HCN1: variants seen among roughly 807,000 people sequenced by gnomAD.
HCN1 encodes the protein hyperpolarization activated cyclic nucleotide gated potassium channel 1.
In HCN1, 13 loss-of-function variants were observed where a neutral mutation model predicts 78.9. That is an observed-to-expected ratio of 0.16 (90% confidence interval 0.11 to 0.26). The LOEUF is 0.26. Among genes scored for constraint, HCN1 ranks in the 10% least tolerant of loss-of-function variants. The pLI, the probability that HCN1 is intolerant of heterozygous loss-of-function variation, is 1.00. For synonymous variants in HCN1, 552 were observed against 455.5 expected, an observed-to-expected ratio of 1.21 and a Z score of -2.70; for missense variants, 810 against 1,154.3, an observed-to-expected ratio of 0.70 and a Z score of 4.32.
chr5:45,454,992 AT>A (rs1740994893), intron 3 of HCN1, among the ~76,000 whole-genome samples: 1 of 152,024 alleles, frequency 6.6e-6, no homozygotes, highest in Non-Finnish European at 1.5e-5. Flanking sequence ...TCCCCACTCT[AT>A]TGAAGGTTCC....
At chr5:45,624,048 G>T (rs1745118562) in intron 2 of HCN1, among the ~76,000 whole-genome samples, 1 of 152,176 alleles carries the variant, frequency 6.6e-6, no homozygotes. Context: ...GGGAGATAGT[G>T]TGGCTAGAGG....
At chr5:45,652,127 A>T (rs180879869) in intron 1 of HCN1, among the ~76,000 whole-genome samples, 1 of 151,978 alleles carries the variant, frequency 6.6e-6, no homozygotes, top group Non-Finnish European at 1.5e-5. Context: ...TTTAAAACCT[A>T]TGAAAGTATT....
chr5:45,614,746 T>C (rs1744908582), intron 2 of HCN1, among the ~76,000 whole-genome samples: 1 of 152,004 alleles, frequency 6.6e-6, no homozygotes, highest in Admixed American at 6.6e-5. Context: ...AGCAGCAAAA[T>C]TTGATACATA....
chr5:45,372,219 ATATATATAATATATATTATATTT>A (rs1203975026), intron 4 of HCN1, among the ~76,000 whole-genome samples: 4 of 71,020 alleles, frequency 5.6e-5, no homozygotes, highest in Non-Finnish European at 6.8e-5. Context: ...ATATAATATA[ATATATATAATATATATTATATTT>A]TATATATAAT....
chr5:45,511,712 T>C (rs756848957), intron 2 of HCN1, among the ~76,000 whole-genome samples: 1 of 151,938 alleles, frequency 6.6e-6, no homozygotes, highest in Non-Finnish European at 1.5e-5. Flanking sequence ...TAAGGAGACA[T>C]GAGGACTTAA....
intron 3 of HCN1, among the ~76,000 whole-genome samples, chr5:45,442,399 G>T (rs1342677403): frequency 6.6e-6 from 1 of 152,034 alleles, no homozygotes; most frequent in Non-Finnish European, 1.5e-5. Flanking sequence ...ATTAATTTCA[G>T]GAGGTGGAAA....
At chr5:45,597,965 A>ACAT (rs956730131) in intron 2 of HCN1, among the ~76,000 whole-genome samples, 2 of 152,218 alleles carry the variant, frequency 1.3e-5, no homozygotes, top group African/African-American at 4.8e-5. Flanking sequence ...GGCAGAATCA[A>ACAT]CATCGTGAAA....
At chr5:45,308,270 A>C (rs1745777353) in intron 5 of HCN1, among the ~76,000 whole-genome samples, 1 of 152,108 alleles carries the variant, frequency 6.6e-6, no homozygotes, top group South Asian at 2.1e-4. Flanking sequence ...CAGGCTGCTG[A>C]ATCGTGAGAC....
intron 2 of HCN1, among the ~76,000 whole-genome samples, chr5:45,544,069 A>G (rs1182965793): frequency 1.3e-5 from 2 of 152,070 alleles, no homozygotes; most frequent in African/African-American, 4.8e-5. Context: ...GAAATTGTTT[A>G]AAACAAAGGG....
chr5:45,625,445 A>G (rs557130435), intron 2 of HCN1, among the ~76,000 whole-genome samples: 2 of 152,268 alleles, frequency 1.3e-5, no homozygotes, highest in South Asian at 2.1e-4. Flanking sequence ...CTCATTGTCC[A>G]TATCTTCCTG....
At chr5:45,655,194 A>C (rs1745742509) in intron 1 of HCN1, among the ~76,000 whole-genome samples, 1 of 152,130 alleles carries the variant, frequency 6.6e-6, no homozygotes, top group South Asian at 2.1e-4. Context: ...GTCTTACTGA[A>C]TATTAAGGAG....
intron 1 of HCN1, among the ~76,000 whole-genome samples, chr5:45,664,330 A>G (rs1185986917): frequency 7.1e-6 from 1 of 141,618 alleles, no homozygotes; most frequent in Non-Finnish European, 1.5e-5. Flanking sequence ...AGGGGGAGGG[A>G]TAGCATTGGG....
intron 2 of HCN1, among the ~76,000 whole-genome samples, chr5:45,613,733 G>C (rs1489074686): frequency 6.6e-6 from 1 of 152,022 alleles, no homozygotes; most frequent in Non-Finnish European, 1.5e-5. Flanking sequence ...AACAATGATA[G>C]ACTGGATTAA....
Position 45,262,105 on chromosome 5 carries a change from C to T in HCN1, c.2489G>A (p.Gly830Glu). Residue 830 changes from glycine (G) to glutamate (E), a missense_variant, in exon 8 of 8, where the codon GGG (glycine) becomes GAG (glutamate). Physicochemically the swap from Gly to Glu is moderately conservative, Grantham distance 98. Transcript: ENST00000303230. ...TAVPGTGLQA[G>E]GRSTVPQRVT... is the part of the protein sequence containing the mutation. Reference sequence around the variant, plus strand: ...GCGCTGCGGGACAGTGCTCCTGCCCCCTGCCTGAAGGCCCGTTCCGGGGAC... The same window carrying T: ...GCGCTGCGGGACAGTGCTCCTGCCCTCTGCCTGAAGGCCCGTTCCGGGGAC... The T allele has an allele frequency of 6.2e-7, 1 of 1,612,696 alleles. No homozygotes were observed. Among genetic ancestry groups the T allele is most frequent in the Admixed American group, 1.7e-5 (1 of 59,994 alleles).
rs948135595 is a variant in HCN1 at position 45,255,062 on chromosome 5, T to C, written c.*6859A>G. On this transcript the variant is annotated 3_prime_UTR_variant, in exon 8 of 8. Transcript: ENST00000303230. ...TGTGATATTAAGAAACATTGCTAGC[T>C]ATGGCACCAAAATTTATGTGACATA... 1 of 152,224 alleles carries C rather than the reference T, an allele frequency of 6.6e-6. No homozygotes were observed. The highest frequency in any genetic ancestry group is 6.5e-5 in the Admixed American group (1 of 15,280). The allele number at this position is 152,224 out of a possible 1,614,324, so 9.4% of individuals were successfully genotyped here.
At chr5:45,660,107 G>A (rs1386662235) in intron 1 of HCN1, among the ~76,000 whole-genome samples, 4 of 119,180 alleles carry the variant, frequency 3.4e-5, no homozygotes, top group Admixed American at 1.7e-4. Context: ...CGGATCTCTC[G>A]GCAGAAACCC....
At chr5:45,372,232 ATAT>A (rs1394158161) in intron 4 of HCN1, among the ~76,000 whole-genome samples, 3 of 75,048 alleles carry the variant, frequency 4.0e-5, no homozygotes, top group African/African-American at 1.8e-4. Context: ...TATATAATAT[ATAT>A]TATATTTTAT....
rs112980983 is a variant in HCN1 at position 45,305,753 on chromosome 5, CAG to C, written c.1378-1916_1378-1915del. ...AAGAAGGAAGGGATAAAAGAAGAAA[CAG>C]AAGAAGGGAGGGAGGAAGAAAGGAA... On this transcript the variant is annotated intron_variant, in intron 5 of 7. Transcript: ENST00000303230. 6.4e-4 allele frequency among the ~76,000 whole-genome samples: 88 copies of C among 137,138 alleles called. 1 individual carries two copies. Among genetic ancestry groups the C allele is most frequent in the African/African-American group, 7.4e-4 (27 of 36,408 alleles). The allele number at this position is 137,138 out of a possible 152,430, so 90.0% of individuals were successfully genotyped here. A position where few individuals can be genotyped will look rare whatever the true frequency, so the allele number is the denominator to read the frequency against.
intron 4 of HCN1, among the ~76,000 whole-genome samples, chr5:45,385,279 T>C (rs1747889123): frequency 6.6e-6 from 1 of 152,116 alleles, no homozygotes; most frequent in Non-Finnish European, 1.5e-5. Flanking sequence ...TTTACATTGC[T>C]CATAGGAGGG....
Sources: gnomAD v4.1 joint callset for allele counts (sites outside exome capture counted in the v4.1 genomes callset) on GRCh38, gnomAD v4.1.1 for gene constraint, MANE v1.5 for transcripts, NCBI Gene and HGNC (gene_info 2026-07-23, HGNC 2026-07-21) for gene names.